CHD9: variants seen among roughly 807,000 people sequenced by gnomAD.
The protein encoded by CHD9 is ATP-dependent chromatin remodeler CHD9.
In CHD9, 77 loss-of-function variants were observed where a neutral mutation model predicts 316.1. The observed-to-expected ratio is 0.24, with a 90% CI of 0.20 to 0.29. CHD9 has a LOEUF of 0.29. CHD9 is among the 10% of genes least tolerant of loss of function. The pLI, the probability that CHD9 is intolerant of heterozygous loss-of-function variation, is 1.00. For missense variants in CHD9, 2,763 were observed against 3,438.1 expected (o/e 0.80, Z 4.91); for synonymous variants, 1,129 against 1,158.3 (o/e 0.97, Z 0.51).
At position 53,097,417 on chromosome 16, in the gene CHD9, C is replaced by G. The variant is rs147152599; in HGVS notation, c.-165+42340C>G. Among the ~76,000 whole-genome samples the G allele has an allele frequency of 2.7e-5, 4 of 150,512 alleles. No individual in the cohort carries two copies. In the East Asian group the frequency reaches 7.8e-4, roughly 29 times the overall value. The stretch of plus-strand genomic sequence containing the variant: ...CTTCCTTCCTTCCTTCTTTCTCTTT[C>G]TTTCACAGTCTTGCTCTGTCACCCA... On this transcript the variant is annotated intron_variant, in intron 1 of 38. Transcript: ENST00000447540.
At chr16:53,318,485 A>T in intron 37 of CHD9, 145 bp downstream of exon 37, 1 of 637,260 alleles carries the variant, frequency 1.6e-6, no homozygotes, top group South Asian at 2.4e-5. Context: ...GACATGCAGT[A>T]TAATTTTATG....
At chr16:53,146,155 A>G (rs2078467669) in intron 1 of CHD9, among the ~76,000 whole-genome samples, 1 of 150,178 alleles carries the variant, frequency 6.7e-6, no homozygotes. Context: ...TGGGAGGCCA[A>G]GGTGGGCAGA....
chr16:53,131,393 G>A (rs1420740366), intron 1 of CHD9: 4 of 146,356 alleles, frequency 2.7e-5, no homozygotes, highest in East Asian at 2.0e-4. Context: ...CGCCTGAGGT[G>A]AGGGATCCGG....
intron 1 of CHD9, among the ~76,000 whole-genome samples, chr16:53,120,442 C>T (rs539415542): frequency 1.3e-5 from 2 of 151,398 alleles, no homozygotes; most frequent in African/African-American, 4.9e-5. Flanking sequence ...GGAGAAACTC[C>T]GTCTCTACTA....
intron 1 of CHD9, among the ~76,000 whole-genome samples, chr16:53,117,389 C>T (rs2038389419): frequency 6.7e-6 from 1 of 150,296 alleles, no homozygotes; most frequent in Admixed American, 6.7e-5. Context: ...TAGCCACAGA[C>T]ATTCAGTTCT....
At chr16:53,255,998 G>A (rs2050558119) in intron 19 of CHD9, among the ~76,000 whole-genome samples, 1 of 152,078 alleles carries the variant, frequency 6.6e-6, no homozygotes, top group Non-Finnish European at 1.5e-5. Context: ...ACTAGAAATG[G>A]TTCTAAATGT....
intron 37 of CHD9, chr16:53,319,940 T>A: frequency 1.4e-6 from 1 of 739,428 alleles, no homozygotes; most frequent in Non-Finnish European, 1.8e-6. Flanking sequence ...ACAACAGAAT[T>A]ACAGAGACTA....
At chr16:53,134,979 AAG>A (rs1567357944) in intron 1 of CHD9, among the ~76,000 whole-genome samples, 1 of 152,208 alleles carries the variant, frequency 6.6e-6, no homozygotes, top group Non-Finnish European at 1.5e-5. Flanking sequence ...AGTGAAATAA[AAG>A]AACAGAGTGC....
chr16:53,260,953 A>T, intron 19 of CHD9, among the ~76,000 whole-genome samples: 1 of 152,170 alleles, frequency 6.6e-6, no homozygotes, highest in East Asian at 1.9e-4. Context: ...CCTTTTCCAT[A>T]TAAGACAAAA....
In CHD9 at chr16:53,254,480, A is replaced by G. The variant is rs777846996; in HGVS notation, c.3904A>G (p.Lys1302Glu). 3.1e-6 allele frequency: 5 copies of G among 1,611,890 alleles called. No homozygotes were observed. The South Asian group carries it at 3.3e-5, about 11-fold the overall frequency. The change falls in exon 18 of 39, where the codon AAA becomes GAA. Residue 1302 changes from lysine (K) to glutamate (E), a missense_variant. By Grantham distance (56) the Lys-to-Glu change is moderately conservative (BLOSUM62 1). This residue lies in a region of CHD9 where 199 missense variants were observed against 251.7 expected (regional missense o/e 0.79). Transcript: ENST00000447540. ...CAGAATTGGTCAGAACAAAGCAGTTAAAGTCTACAGACTGGTAACTCGTAA... is the reference window on the plus strand; with the variant it reads ...CAGAATTGGTCAGAACAAAGCAGTTGAAGTCTACAGACTGGTAACTCGTAA... Reference protein sequence around the residue: ...CHRIGQNKAVKVYRLVTRNSY... With the variant: ...CHRIGQNKAVEVYRLVTRNSY...
intron 1 of CHD9, among the ~76,000 whole-genome samples, chr16:53,091,514 A>C (rs1213064881): frequency 6.6e-6 from 1 of 152,254 alleles, no homozygotes; most frequent in African/African-American, 2.4e-5. Context: ...CACAGGGAGG[A>C]GGCGAACGCC....
intron 1 of CHD9, among the ~76,000 whole-genome samples, chr16:53,068,953 T>C (rs574738582): frequency 6.6e-6 from 1 of 152,324 alleles, no homozygotes; most frequent in South Asian, 2.1e-4. Flanking sequence ...ACACATGACA[T>C]TGAAATTTAC....
intron 1 of CHD9, among the ~76,000 whole-genome samples, chr16:53,136,842 C>G (rs1395488352): frequency 6.6e-6 from 1 of 151,974 alleles, no homozygotes; most frequent in African/African-American, 2.4e-5. Context: ...TTCTGTATTC[C>G]CAAGATAATA....
chr16:53,137,078 A>G (rs1430635165), intron 1 of CHD9, among the ~76,000 whole-genome samples: 3 of 151,528 alleles, frequency 2.0e-5, no homozygotes, highest in African/African-American at 7.3e-5. Context: ...GGTTCAAGTG[A>G]TTCTCCTGCC....
chr16:53,175,174 A>G (rs1332302922), intron 2 of CHD9, among the ~76,000 whole-genome samples: 1 of 151,424 alleles, frequency 6.6e-6, no homozygotes, highest in Non-Finnish European at 1.5e-5. Flanking sequence ...GCTGATCACT[A>G]CTCATCTAGA....
At chr16:53,124,798 C>T (rs114392301) in intron 1 of CHD9, among the ~76,000 whole-genome samples, 2,514 of 152,158 alleles carry the variant, frequency 0.017, 82 homozygotes, top group African/African-American at 0.057. Flanking sequence ...CTTACTATCA[C>T]GAGAACAACA....
chr16:53,272,012 A>G (rs1371451315), intron 22 of CHD9, among the ~76,000 whole-genome samples: 2 of 152,200 alleles, frequency 1.3e-5, no homozygotes, highest in Non-Finnish European at 2.9e-5. Flanking sequence ...AAAACTAAAT[A>G]TATAAACATA....
intron 4 of CHD9, among the ~76,000 whole-genome samples, chr16:53,224,876 C>A (rs1203039916): frequency 2.6e-5 from 4 of 152,056 alleles, no homozygotes; most frequent in Admixed American, 2.6e-4. Flanking sequence ...TAATTCATAT[C>A]GTTTTCAAAA....
chr16:53,117,426 A>T lies in CHD9; in HGVS notation c.-164-38500A>T, dbSNP rs979391086. ...TGACGTAATATATATATATATATAT[A>T]TTTTTGGAAACAGAATCTCACTCTG... is the stretch of plus-strand genomic sequence containing the variant. On this transcript the variant is annotated intron_variant, in intron 1 of 38. Transcript: ENST00000447540. Among the ~76,000 whole-genome samples the T allele has an allele frequency of 4.7e-4, 68 of 144,806 alleles. 1 individual carries two copies. In the East Asian group the frequency reaches 5.2e-3, roughly 11 times the overall value. 95.0% of individuals were successfully genotyped at this position (144,806 alleles called of 152,430 possible). A position where few individuals can be genotyped will look rare whatever the true frequency, so the allele number is the denominator to read the frequency against.
Sources: gnomAD v4.1 joint callset for allele counts (sites outside exome capture counted in the v4.1 genomes callset) on GRCh38, gnomAD v4.1.1 for gene constraint, gnomAD v4.1.1 regional missense constraint, MANE v1.5 for transcripts, NCBI Gene and HGNC (gene_info 2026-07-23, HGNC 2026-07-21) for gene names.